Variants in CNTN5 observed in about 807,000 individuals in gnomAD.
CNTN5 encodes contactin 5.
A neutral mutation model predicts 129.1 loss-of-function variants in CNTN5; 77 were observed. The observed-to-expected ratio is 0.60, with a 90% CI of 0.50 to 0.72. The LOEUF (loss-of-function observed/expected upper bound fraction) is 0.72. Ranked by LOEUF, CNTN5 falls within the 30% of genes least tolerant of loss-of-function variation. CNTN5 has a pLI of 0.00. For missense variants in CNTN5, 1,478 were observed against 1,328.8 expected, an observed-to-expected ratio of 1.11 and a Z score of -1.75; for synonymous variants, 509 against 465.6, an observed-to-expected ratio of 1.09 and a Z score of -1.20.
chr11:99,270,398 A>AT (rs1863118595), intron 1 of CNTN5, among the ~76,000 whole-genome samples: 1 of 151,806 alleles, frequency 6.6e-6, no homozygotes, highest in Non-Finnish European at 1.5e-5. Context: ...ATGAATAATA[A>AT]TTTTTCCAGC....
intron 2 of CNTN5, among the ~76,000 whole-genome samples, chr11:99,412,318 A>G (rs1392653153): frequency 6.6e-6 from 1 of 152,176 alleles, no homozygotes; most frequent in Non-Finnish European, 1.5e-5. Context: ...TATTTTTTGA[A>G]TATGTTCTTT....
intron 1 of CNTN5, among the ~76,000 whole-genome samples, chr11:99,070,956 A>G (rs1865317546): frequency 6.6e-6 from 1 of 152,174 alleles, no homozygotes; most frequent in Admixed American, 6.6e-5. Flanking sequence ...CTTTCTAAAA[A>G]TGCAGATACA....
intron 3 of CNTN5, among the ~76,000 whole-genome samples, chr11:99,591,511 T>G (rs951770276): frequency 2.0e-5 from 3 of 151,912 alleles, no homozygotes; most frequent in African/African-American, 7.3e-5. Flanking sequence ...CTAATTTTTT[T>G]GTATTTTTAG....
At chr11:99,674,069 C>T (rs1308527644) in intron 3 of CNTN5, among the ~76,000 whole-genome samples, 1 of 152,182 alleles carries the variant, frequency 6.6e-6, no homozygotes, top group African/African-American at 2.4e-5. Context: ...TTTACACTCA[C>T]ACCAACAGTG....
chr11:99,932,595 C>T (rs1950218114), intron 7 of CNTN5, among the ~76,000 whole-genome samples: 1 of 152,082 alleles, frequency 6.6e-6, no homozygotes, highest in Admixed American at 6.6e-5. Flanking sequence ...TGTCACTTAT[C>T]AGCAATGTGA....
intron 1 of CNTN5, among the ~76,000 whole-genome samples, chr11:99,145,725 C>T (rs1342717792): frequency 6.6e-6 from 1 of 152,050 alleles, no homozygotes; most frequent in African/African-American, 2.4e-5. Flanking sequence ...CTTACTCTTC[C>T]ACAAATGATG....
At chr11:99,239,798 G>A (rs549022263) in intron 1 of CNTN5, among the ~76,000 whole-genome samples, 92 of 152,162 alleles carry the variant, frequency 6.0e-4, no homozygotes, top group Non-Finnish European at 3.4e-4. Context: ...TTAGCCGGGC[G>A]TGGTGGCGGG....
At chr11:99,412,161 A>T (rs1318139560) in intron 2 of CNTN5, among the ~76,000 whole-genome samples, 15 of 152,182 alleles carry the variant, frequency 9.9e-5, no homozygotes. Context: ...ATATTATTTG[A>T]ACTTTCTTAA....
intron 1 of CNTN5, among the ~76,000 whole-genome samples, chr11:99,237,155 G>A (rs367587925): frequency 1.2e-4 from 18 of 151,756 alleles, no homozygotes; most frequent in African/African-American, 3.9e-4. Flanking sequence ...ATTACTACAC[G>A]CAAAACATTG....
At chr11:99,155,348 C>T (rs928078467) in intron 1 of CNTN5, among the ~76,000 whole-genome samples, 1 of 152,154 alleles carries the variant, frequency 6.6e-6, no homozygotes, top group Non-Finnish European at 1.5e-5. Flanking sequence ...ACTTTTGCTG[C>T]TTTACTCTCT....
intron 3 of CNTN5, among the ~76,000 whole-genome samples, chr11:99,590,744 A>C (rs1207991423): frequency 6.6e-6 from 1 of 152,242 alleles, no homozygotes; most frequent in African/African-American, 2.4e-5. Context: ...TAGTAAGCAA[A>C]GGGAACAATG....
intron 13 of CNTN5, among the ~76,000 whole-genome samples, chr11:100,079,295 T>C (rs1262238641): frequency 6.6e-6 from 1 of 152,212 alleles, no homozygotes. Flanking sequence ...TGGAAATGCT[T>C]ACCATTCTCC....
At chr11:99,541,074 A>G (rs1396561568) in intron 2 of CNTN5, among the ~76,000 whole-genome samples, 8 of 152,256 alleles carry the variant, frequency 5.3e-5, no homozygotes, top group African/African-American at 1.9e-4. Context: ...CTTCTGACAG[A>G]TGCTGCCCAA....
chr11:100,257,635 C>G (rs1950103490), intron 17 of CNTN5, among the ~76,000 whole-genome samples: 1 of 152,164 alleles, frequency 6.6e-6, no homozygotes, highest in African/African-American at 2.4e-5. Flanking sequence ...GCTGGTGATA[C>G]CCAGGCAAAA....
intron 2 of CNTN5, among the ~76,000 whole-genome samples, chr11:99,509,435 G>T (rs1946750600): frequency 6.6e-6 from 1 of 152,176 alleles, no homozygotes; most frequent in Admixed American, 6.5e-5. Context: ...ATTCAAAATA[G>T]AAATGGTGAA....
At chr11:99,940,051 A>G (rs905545353) in intron 7 of CNTN5, among the ~76,000 whole-genome samples, 9 of 152,136 alleles carry the variant, frequency 5.9e-5, no homozygotes, top group African/African-American at 2.2e-4. Context: ...GGAAATGTCT[A>G]GAGGCATTTT....
At chr11:99,282,723 A>G (rs574703578) in intron 1 of CNTN5, among the ~76,000 whole-genome samples, 14 of 152,180 alleles carry the variant, frequency 9.2e-5, no homozygotes, top group African/African-American at 3.4e-4. Context: ...TTCAGCTGCT[A>G]GTAAAGTAAA....
At chr11:99,979,197 G>C (rs1938184348) in intron 8 of CNTN5, among the ~76,000 whole-genome samples, 2 of 152,118 alleles carry the variant, frequency 1.3e-5, no homozygotes, top group South Asian at 4.1e-4. Context: ...AAGAACTCAT[G>C]ATCTAGTAGA....
At chr11:99,862,905 T>C (rs1371997421) in intron 6 of CNTN5, among the ~76,000 whole-genome samples, 6 of 152,116 alleles carry the variant, frequency 3.9e-5, no homozygotes, top group Admixed American at 1.3e-4. Flanking sequence ...TTAATGATGA[T>C]AAATTGTGAG....
Sources: allele counts gnomAD v4.1 joint callset (sites outside exome capture counted in the v4.1 genomes callset), GRCh38; gene constraint gnomAD v4.1.1; transcripts MANE v1.5; gene names NCBI Gene and HGNC (gene_info 2026-07-23, HGNC 2026-07-21).